Variants in PDZRN4 observed in about 807,000 individuals in gnomAD.
The protein encoded by PDZRN4 is PDZ domain-containing RING finger protein 4.
Under a neutral mutation model 99.0 loss-of-function variants are expected in PDZRN4, and 70 were observed. The observed-to-expected ratio is 0.71, with a 90% confidence interval of 0.58 to 0.86. PDZRN4 has a LOEUF of 0.86. PDZRN4 is among the 40% of genes least tolerant of loss of function. The pLI is 0.00. For missense variants in PDZRN4, 1,474 were observed against 1,331.2 expected, an observed-to-expected ratio of 1.11 and a Z score of -1.67; for synonymous variants, 551 against 501.6, an observed-to-expected ratio of 1.10 and a Z score of -1.32.
intron 3 of PDZRN4, among the ~76,000 whole-genome samples, chr12:41,482,347 G>A (rs907710974): frequency 2.0e-5 from 3 of 152,128 alleles, no homozygotes; most frequent in African/African-American, 7.2e-5. Flanking sequence ...TAGCTATCAA[G>A]GAAGTTGGAA....
At chr12:41,295,157 C>T (rs1049998373) in intron 3 of PDZRN4, among the ~76,000 whole-genome samples, 1 of 152,052 alleles carries the variant, frequency 6.6e-6, no homozygotes, top group Non-Finnish European at 1.5e-5. Flanking sequence ...AAGACAATTT[C>T]AGAAATTCAA....
chr12:41,464,587 CAT>C (rs1328820116), intron 3 of PDZRN4, among the ~76,000 whole-genome samples: 1 of 152,074 alleles, frequency 6.6e-6, no homozygotes, highest in Non-Finnish European at 1.5e-5. Flanking sequence ...AAATTGGAGA[CAT>C]GTTTTGCAAC....
intron 3 of PDZRN4, among the ~76,000 whole-genome samples, chr12:41,465,317 A>C (rs1952914249): frequency 6.6e-6 from 1 of 152,224 alleles, no homozygotes; most frequent in East Asian, 1.9e-4. Context: ...ATACGTTTAC[A>C]TTTTGATATC....
intron 3 of PDZRN4, among the ~76,000 whole-genome samples, chr12:41,328,246 G>T (rs1051224711): frequency 3.3e-5 from 5 of 152,020 alleles, no homozygotes; most frequent in Non-Finnish European, 7.4e-5. Flanking sequence ...GGGTTCTTTG[G>T]TATTTGATGG....
chr12:41,441,026 G>A (rs567708603), intron 3 of PDZRN4, among the ~76,000 whole-genome samples: 17 of 152,126 alleles, frequency 1.1e-4, no homozygotes, highest in African/African-American at 3.9e-4. Context: ...ATCTAATGAC[G>A]TTTAAGCTTG....
At chr12:41,189,314 G>A (rs752839512) in intron 1 of PDZRN4, among the ~76,000 whole-genome samples, 19 of 152,004 alleles carry the variant, frequency 1.2e-4, no homozygotes, top group Non-Finnish European at 8.8e-5. Context: ...ATTATATTAC[G>A]ATTGGAAAGA....
chr12:41,450,041 A>C (rs1952762214), intron 3 of PDZRN4, among the ~76,000 whole-genome samples: 1 of 151,970 alleles, frequency 6.6e-6, no homozygotes, highest in African/African-American at 2.4e-5. Context: ...CTAAAATGAG[A>C]ATTTCTTCAA....
At chr12:41,529,225 GTGTT>G (rs1242542752) in intron 5 of PDZRN4, among the ~76,000 whole-genome samples, 2 of 147,748 alleles carry the variant, frequency 1.4e-5, no homozygotes, top group African/African-American at 5.1e-5. Context: ...ACGTGTGTGT[GTGTT>G]TGTGTGTGTG....
chr12:41,508,705 A>G (rs1021980004), intron 4 of PDZRN4, among the ~76,000 whole-genome samples: 1 of 152,102 alleles, frequency 6.6e-6, no homozygotes, highest in African/African-American at 2.4e-5. Context: ...TACTTTTACC[A>G]TTTTGGCCTA....
chr12:41,315,771 C>A (rs1168916164), intron 3 of PDZRN4, among the ~76,000 whole-genome samples: 2 of 152,054 alleles, frequency 1.3e-5, no homozygotes, highest in Non-Finnish European at 2.9e-5. Context: ...ATTTATTATA[C>A]TCATTTAAAT....
Position 41,567,785 on chromosome 12 carries a change from G to A in PDZRN4, c.1470G>A (p.Leu490=), listed in dbSNP as rs776717708. 1.2e-6 allele frequency: 2 copies of A among 1,602,230 alleles called. No individual in the cohort carries two copies. The highest frequency in any genetic ancestry group is 2.2e-5 in the South Asian group (2 of 90,416). ...TGTACTAATGTATTCTTTTGCAGCT[G>A]GATGAAGGCTGGCTGGAAGATGAAA... ...VLLVARPEIQ[L]DEGWLEDERN... The change falls in exon 9 of 10, where the codon CTG becomes CTA. Residue 490 remains leucine, a splice_region_variant and synonymous_variant. Coordinates refer to ENST00000402685, the MANE Select transcript of PDZRN4 (RefSeq NM_001164595.2).
At position 41,560,066 on chromosome 12, in the gene PDZRN4, T is replaced by C. The variant is rs1021286035; in HGVS notation, c.1366-3482T>C. 2.0e-5 allele frequency among the ~76,000 whole-genome samples: 3 copies of C among 152,170 alleles called. No homozygotes were observed. The East Asian group carries it at 5.8e-4, about 29-fold the overall frequency. On this transcript the variant is annotated intron_variant, in intron 7 of 9. Coordinates refer to ENST00000402685, the MANE Select transcript of PDZRN4 (RefSeq NM_001164595.2). ...TTATAGCAGCATGAGAACAAACTAATACCCTGGTTCTCATATTCTTTTATT... is the reference window on the plus strand; with the variant it reads ...TTATAGCAGCATGAGAACAAACTAACACCCTGGTTCTCATATTCTTTTATT...
chr12:41,470,808 C>A (rs953612288), intron 3 of PDZRN4, among the ~76,000 whole-genome samples: 2 of 152,098 alleles, frequency 1.3e-5, no homozygotes, highest in Non-Finnish European at 2.9e-5. Context: ...AGCCTCATGG[C>A]CAAAACCCAC....
In PDZRN4 at chr12:41,428,398, G is replaced by A. The variant is rs1227145353; in HGVS notation, c.844-78058G>A. Among the ~76,000 whole-genome samples, 4 of 152,008 alleles carry A rather than the reference G, an allele frequency of 2.6e-5. No homozygotes were observed. The East Asian group carries it at 7.7e-4, about 29-fold the overall frequency. On this transcript the variant is annotated intron_variant, in intron 3 of 9. Coordinates refer to ENST00000402685, the MANE Select transcript of PDZRN4 (RefSeq NM_001164595.2). ...AATAATGTTTGCTCCATGAGATCTG[G>A]GACCTTTATATACCTTGACTACCAT...
intron 3 of PDZRN4, among the ~76,000 whole-genome samples, chr12:41,328,581 C>A (rs1053350518): frequency 1.8e-4 from 28 of 152,096 alleles, no homozygotes; most frequent in African/African-American, 6.8e-4. Flanking sequence ...AACAGCTCAA[C>A]TTTTTTTAAA....
At chr12:41,332,256 G>T (rs1362817343) in intron 3 of PDZRN4, among the ~76,000 whole-genome samples, 2 of 152,108 alleles carry the variant, frequency 1.3e-5, no homozygotes, top group East Asian at 3.9e-4. Context: ...GAGCAAGAAA[G>T]AAACTGTGTA....
intron 3 of PDZRN4, among the ~76,000 whole-genome samples, chr12:41,344,628 T>C (rs1179395054): frequency 2.0e-5 from 3 of 151,796 alleles, no homozygotes; most frequent in Admixed American, 6.6e-5. Flanking sequence ...GAAATGTTTT[T>C]CCTAACATAG....
At chr12:41,524,867 C>A (rs990432685) in intron 5 of PDZRN4, among the ~76,000 whole-genome samples, 3 of 151,964 alleles carry the variant, frequency 2.0e-5, no homozygotes, top group Non-Finnish European at 4.4e-5. Flanking sequence ...CAGGTGAGAG[C>A]AGATGGTGAT....
intron 9 of PDZRN4, among the ~76,000 whole-genome samples, chr12:41,571,515 G>C (rs930982949): frequency 6.6e-6 from 1 of 151,696 alleles, no homozygotes; most frequent in Non-Finnish European, 1.5e-5. Flanking sequence ...ATTTTCATGG[G>C]ACTGAATTTT....
Sources: allele counts gnomAD v4.1 joint callset (sites outside exome capture counted in the v4.1 genomes callset), GRCh38; gene constraint gnomAD v4.1.1; transcripts MANE v1.5; gene names NCBI Gene and HGNC (gene_info 2026-07-23, HGNC 2026-07-21).